The following GNAQ variants were observed in gnomAD, a reference collection of about 807,000 sequenced individuals.
The protein encoded by GNAQ is guanine nucleotide-binding protein G(q) subunit alpha.
In GNAQ, 8 loss-of-function variants were observed where a neutral mutation model predicts 43.9. The ratio of observed to expected loss-of-function variants is 0.18; its 90% CI spans 0.11 to 0.33. The LOEUF (loss-of-function observed/expected upper bound fraction) is 0.33. Ranked by LOEUF, GNAQ falls within the 10% of genes least tolerant of loss-of-function variation. The probability of loss-of-function intolerance (pLI) is 1.00; values close to 1 mark genes in which losing one functional copy is unlikely to be tolerated. For synonymous variants in GNAQ, 155 were observed against 170.7 expected (o/e 0.91, Z 0.71); for missense variants, 158 against 450.8 (o/e 0.35, Z 5.88).
intron 1 of GNAQ, among the ~76,000 whole-genome samples, chr9:77,951,433 G>A (rs989490972): frequency 6.6e-6 from 1 of 152,084 alleles, no homozygotes. Flanking sequence ...TATTGCTAAA[G>A]ATATGTTTGG....
intron 2 of GNAQ, among the ~76,000 whole-genome samples, chr9:77,863,308 A>G (rs1827890508): frequency 6.6e-6 from 1 of 152,226 alleles, no homozygotes; most frequent in South Asian, 2.1e-4. Context: ...TCAAAGTTCC[A>G]CAAATCTCTA....
intron 5 of GNAQ, among the ~76,000 whole-genome samples, chr9:77,757,099 A>G (rs1185687348): frequency 1.3e-5 from 2 of 152,194 alleles, no homozygotes; most frequent in African/African-American, 2.4e-5. Context: ...ACCTGAGTTG[A>G]TGAGATTATG....
intron 2 of GNAQ, among the ~76,000 whole-genome samples, chr9:77,915,379 A>G (rs1293431271): frequency 6.6e-6 from 1 of 151,450 alleles, no homozygotes; most frequent in Non-Finnish European, 1.5e-5. Context: ...AATGACTGTC[A>G]CTCTGAAGTG....
chr9:77,940,271 C>A (rs985724809), intron 1 of GNAQ, among the ~76,000 whole-genome samples: 4 of 152,140 alleles, frequency 2.6e-5, no homozygotes, highest in Non-Finnish European at 5.9e-5. Flanking sequence ...ACTCCCATAA[C>A]AAACAATCCT....
intron 4 of GNAQ, among the ~76,000 whole-genome samples, chr9:77,796,527 GTTTAT>G (rs1476297561): frequency 6.6e-6 from 1 of 152,146 alleles, no homozygotes; most frequent in African/African-American, 2.4e-5. Context: ...CATCAGTATT[GTTTAT>G]TTTTTCTCAT....
intron 2 of GNAQ, among the ~76,000 whole-genome samples, chr9:77,822,364 A>G (rs138335021): frequency 7.6e-4 from 116 of 152,274 alleles, no homozygotes; most frequent in Middle Eastern, 3.4e-3. Flanking sequence ...TGCCTGCTTT[A>G]TAGATTCATA....
At chr9:77,985,415 G>T (rs1017556808) in intron 1 of GNAQ, among the ~76,000 whole-genome samples, 2 of 152,138 alleles carry the variant, frequency 1.3e-5, no homozygotes, top group African/African-American at 4.8e-5. Flanking sequence ...GGAGACTGAA[G>T]ACATTAATTG....
At chr9:77,757,522 C>T (rs941944584) in intron 5 of GNAQ, among the ~76,000 whole-genome samples, 1 of 152,222 alleles carries the variant, frequency 6.6e-6, no homozygotes, top group African/African-American at 2.4e-5. Flanking sequence ...ATATCCTTCA[C>T]ATCTGTATCT....
rs746971687 is a variant in GNAQ at position 77,719,646 on chromosome 9, C to T, written c.*1677G>A. The T allele has an allele frequency of 1.3e-5, 3 of 232,780 alleles. No individual in the cohort carries two copies. Among genetic ancestry groups the T allele is most frequent in the South Asian group, 3.6e-4 (2 of 5,514 alleles). 14.4% of individuals were successfully genotyped at this position (232,780 alleles called of 1,614,324 possible). ...GACCAGTATCATGGCCTAATTCTAA[C>T]GTCCCAGCAGCTTTGAACAATCATG... On this transcript the variant is annotated 3_prime_UTR_variant, in exon 7 of 7. Coordinates refer to ENST00000286548, the MANE Select transcript of GNAQ (RefSeq NM_002072.5).
chr9:77,758,419 T>C (rs1461690157), intron 5 of GNAQ, among the ~76,000 whole-genome samples: 2 of 152,202 alleles, frequency 1.3e-5, no homozygotes, highest in African/African-American at 4.8e-5. Flanking sequence ...AAAAACTAGA[T>C]GTATATTTAA....
intron 1 of GNAQ, among the ~76,000 whole-genome samples, chr9:77,973,014 G>GAAA (rs10541482): frequency 8.7e-6 from 1 of 114,694 alleles, no homozygotes; most frequent in Non-Finnish European, 1.9e-5. Flanking sequence ...AAAAAGAAAG[G>GAAA]AAAAAAAAAA....
intron 5 of GNAQ, among the ~76,000 whole-genome samples, chr9:77,729,502 T>G (rs940603233): frequency 6.6e-6 from 1 of 151,730 alleles, no homozygotes; most frequent in African/African-American, 2.4e-5. Flanking sequence ...ATCATTCCTC[T>G]GAAAAAAAAA....
At position 77,969,675 on chromosome 9, in the gene GNAQ, T is replaced by A. The variant is rs182648754; in HGVS notation, c.137-47330A>T. On this transcript the variant is annotated intron_variant, in intron 1 of 6. Transcript: ENST00000286548. ...GAAGAGCACTGGAAAACAACCCAGCTTACTTTCTAGCCACATCAACAGTTC... is the reference window on the plus strand; with the variant it reads ...GAAGAGCACTGGAAAACAACCCAGCATACTTTCTAGCCACATCAACAGTTC... 3.0e-3 allele frequency among the ~76,000 whole-genome samples: 457 copies of A among 152,340 alleles called. 2 individuals are homozygous for A. Among genetic ancestry groups the A allele is most frequent in the Non-Finnish European group, 4.6e-3 (316 of 68,018 alleles).
intron 2 of GNAQ, among the ~76,000 whole-genome samples, chr9:77,859,884 C>T (rs1827815478): frequency 6.6e-6 from 1 of 152,154 alleles, no homozygotes; most frequent in Admixed American, 6.5e-5. Context: ...TCTTATCGGT[C>T]CTGGCAAGCT....
chr9:77,904,154 G>C (rs1236864977), intron 2 of GNAQ, among the ~76,000 whole-genome samples: 3 of 152,002 alleles, frequency 2.0e-5, no homozygotes, highest in Non-Finnish European at 4.4e-5. Context: ...GAAGATTAAT[G>C]ATCTATCCTG....
At chr9:77,906,532 A>G (rs1828711559) in intron 2 of GNAQ, among the ~76,000 whole-genome samples, 2 of 152,244 alleles carry the variant, frequency 1.3e-5, no homozygotes, top group Admixed American at 1.3e-4. Context: ...CACAAGTGAG[A>G]AAACAACTCA....
At chr9:77,760,838 G>A (rs1587902930) in intron 5 of GNAQ, among the ~76,000 whole-genome samples, 1 of 150,356 alleles carries the variant, frequency 6.7e-6, no homozygotes, top group South Asian at 2.1e-4. Context: ...TCTGAGATGT[G>A]GGGAGTGCCT....
At chr9:77,852,521 C>A (rs78650778) in intron 2 of GNAQ, among the ~76,000 whole-genome samples, 1,904 of 152,320 alleles carry the variant, frequency 0.013, 28 homozygotes, top group African/African-American at 0.037. Context: ...GGCTTTCATG[C>A]CCCAAAGGCA....
At chr9:77,839,609 A>C (rs1488150073) in intron 2 of GNAQ, among the ~76,000 whole-genome samples, 1 of 152,266 alleles carries the variant, frequency 6.6e-6, no homozygotes, top group Non-Finnish European at 1.5e-5. Context: ...ATAGAGCAGC[A>C]GCATGGGCTG....
Sources: allele counts gnomAD v4.1 joint callset (sites outside exome capture counted in the v4.1 genomes callset), GRCh38; gene constraint gnomAD v4.1.1; transcripts MANE v1.5; gene names NCBI Gene and HGNC (gene_info 2026-07-23, HGNC 2026-07-21).